ZFAND3: variants seen among roughly 807,000 people sequenced by gnomAD.
ZFAND3 encodes the protein AN1-type zinc finger protein 3.
Under a neutral mutation model 29.6 loss-of-function variants are expected in ZFAND3, and 10 were observed. The observed-to-expected ratio is 0.34, with a 90% CI of 0.21 to 0.57. The LOEUF is 0.57. Ranked by LOEUF, ZFAND3 falls within the 20% of genes least tolerant of loss-of-function variation. ZFAND3 has a pLI of 0.86. For synonymous variants in ZFAND3, 128 were observed against 112.6 expected (o/e 1.14, Z -0.87); for missense variants, 230 against 304.5 (o/e 0.76, Z 1.82).
chr6:37,909,907 A>C (rs1410940871), intron 1 of ZFAND3, among the ~76,000 whole-genome samples: 1 of 152,208 alleles, frequency 6.6e-6, no homozygotes, highest in Admixed American at 6.5e-5. Flanking sequence ...TCTCTTATTC[A>C]AATTGATAAA....
intron 2 of ZFAND3, among the ~76,000 whole-genome samples, chr6:38,011,707 A>G (rs1449896601): frequency 6.6e-6 from 1 of 152,166 alleles, no homozygotes; most frequent in Non-Finnish European, 1.5e-5. Context: ...ATTCTCCACA[A>G]TCAGTAGCAC....
At chr6:38,135,612 G>T (rs1255281851) in intron 5 of ZFAND3, among the ~76,000 whole-genome samples, 3 of 152,160 alleles carry the variant, frequency 2.0e-5, no homozygotes, top group Non-Finnish European at 4.4e-5. Context: ...AGGTGTGGTG[G>T]CGTGCGCCTG....
At chr6:38,053,787 T>G (rs1764077575) in intron 2 of ZFAND3, among the ~76,000 whole-genome samples, 1 of 152,192 alleles carries the variant, frequency 6.6e-6, no homozygotes, top group Non-Finnish European at 1.5e-5. Flanking sequence ...ATTCAAGAGA[T>G]ATTTAGGAGT....
At chr6:37,874,035 T>C (rs1367838745) in intron 1 of ZFAND3, among the ~76,000 whole-genome samples, 2 of 152,120 alleles carry the variant, frequency 1.3e-5, no homozygotes, top group Non-Finnish European at 2.9e-5. Context: ...GCAACAGAAA[T>C]TTATTGTCTC....
At chr6:37,851,468 C>G (rs746103482) in intron 1 of ZFAND3, among the ~76,000 whole-genome samples, 2 of 152,142 alleles carry the variant, frequency 1.3e-5, no homozygotes, top group Non-Finnish European at 2.9e-5. Context: ...AAATAAAAAT[C>G]AAATTCCTTA....
chr6:37,864,764 CACACACAT>C lies in ZFAND3; in HGVS notation c.71+44749_71+44756del, dbSNP rs1391511557. ...ACACACACACACACACACACACACACACACACATGCACACATACACGCACACTCTCACT... is the reference window on the plus strand; with the variant it reads ...ACACACACACACACACACACACACACGCACACATACACGCACACTCTCACT... On this transcript the variant is annotated intron_variant, in intron 1 of 5. Coordinates refer to ENST00000287218, the MANE Select transcript of ZFAND3 (RefSeq NM_021943.3). 3.1e-4 allele frequency among the ~76,000 whole-genome samples: 46 copies of C among 149,074 alleles called. No individual in the cohort carries two copies. The South Asian group carries it at 5.4e-3, about 18-fold the overall frequency.
rs375066141 is a variant in ZFAND3, at chr6:38,093,297, G to T, written c.361+10840G>T. ...AGGATTTGATGGCTGATTAGAGTTG[G>T]CTGAAGAAAGACTGCAAAGTATAAA... On this transcript the variant is annotated intron_variant, in intron 4 of 5. Transcript: ENST00000287218. Among the ~76,000 whole-genome samples the T allele has an allele frequency of 1.1e-4, 17 of 152,264 alleles. No individual in the cohort carries two copies. In the East Asian group the frequency reaches 1.4e-3, roughly 12 times the overall value.
intron 3 of ZFAND3, among the ~76,000 whole-genome samples, chr6:38,074,041 G>A (rs1462855901): frequency 6.6e-6 from 1 of 152,144 alleles, no homozygotes; most frequent in Non-Finnish European, 1.5e-5. Flanking sequence ...CAGTTGGCAC[G>A]TAAGGAGTAT....
At chr6:37,937,910 T>C (rs1043834629) in intron 2 of ZFAND3, among the ~76,000 whole-genome samples, 7 of 152,296 alleles carry the variant, frequency 4.6e-5, no homozygotes, top group African/African-American at 1.7e-4. Flanking sequence ...AGGTATCTGT[T>C]GGATGGTTGG....
At chr6:38,110,570 G>T (rs1765295523) in intron 4 of ZFAND3, among the ~76,000 whole-genome samples, 1 of 152,154 alleles carries the variant, frequency 6.6e-6, no homozygotes, top group South Asian at 2.1e-4. Flanking sequence ...TGATGTGTGA[G>T]GGTTCGTTAA....
At chr6:37,947,327 G>A (rs1561943192) in intron 2 of ZFAND3, among the ~76,000 whole-genome samples, 1 of 152,048 alleles carries the variant, frequency 6.6e-6, no homozygotes, top group Non-Finnish European at 1.5e-5. Flanking sequence ...ATATTTATCT[G>A]TGTAGATGAT....
intron 5 of ZFAND3, among the ~76,000 whole-genome samples, chr6:38,117,289 A>C (rs1021540212): frequency 3.0e-5 from 4 of 134,842 alleles, no homozygotes; most frequent in Non-Finnish European, 6.2e-5. Flanking sequence ...CCTGGGCTGA[A>C]TCCATCCTCC....
At chr6:37,842,850 G>T (rs901765957) in intron 1 of ZFAND3, among the ~76,000 whole-genome samples, 1 of 152,072 alleles carries the variant, frequency 6.6e-6, no homozygotes, top group Non-Finnish European at 1.5e-5. Flanking sequence ...TTCTGGGTGT[G>T]GTGGCTCACG....
At chr6:38,130,797 G>A (rs984280498) in intron 5 of ZFAND3, among the ~76,000 whole-genome samples, 7 of 152,114 alleles carry the variant, frequency 4.6e-5, no homozygotes, top group Non-Finnish European at 7.4e-5. Flanking sequence ...TTCTTTCCTG[G>A]TTTTGGTATT....
At chr6:37,989,749 GT>G (rs1477309609) in intron 2 of ZFAND3, among the ~76,000 whole-genome samples, 3 of 152,216 alleles carry the variant, frequency 2.0e-5, no homozygotes, top group Non-Finnish European at 4.4e-5. Context: ...CAAGAAGCCA[GT>G]GTTGGCTGGC....
intron 4 of ZFAND3, among the ~76,000 whole-genome samples, chr6:38,085,050 C>T (rs1289221417): frequency 2.0e-5 from 3 of 152,190 alleles, no homozygotes; most frequent in African/African-American, 2.4e-5. Flanking sequence ...CTCCATCTTT[C>T]TCTGTGTCCT....
intron 4 of ZFAND3, among the ~76,000 whole-genome samples, chr6:38,106,402 G>A (rs1460530738): frequency 1.3e-5 from 2 of 152,074 alleles, no homozygotes; most frequent in Non-Finnish European, 1.5e-5. Flanking sequence ...TGCCCACCTC[G>A]GCCTCCCAAA....
At chr6:38,074,075 C>T (rs1490822385) in intron 3 of ZFAND3, among the ~76,000 whole-genome samples, 3 of 152,084 alleles carry the variant, frequency 2.0e-5, no homozygotes, top group South Asian at 2.1e-4. Context: ...CTTATATTAA[C>T]CTTTAGGTTC....
At chr6:38,103,020 G>A (rs915749560) in intron 4 of ZFAND3, among the ~76,000 whole-genome samples, 4 of 152,166 alleles carry the variant, frequency 2.6e-5, no homozygotes, top group Non-Finnish European at 4.4e-5. Flanking sequence ...GCTTCCCAAA[G>A]TGCTGGGATT....
Sources: allele counts gnomAD v4.1 joint callset (sites outside exome capture counted in the v4.1 genomes callset), GRCh38; gene constraint gnomAD v4.1.1; transcripts MANE v1.5; gene names NCBI Gene and HGNC (gene_info 2026-07-23, HGNC 2026-07-21).